The following SLC19A1 variants were observed in gnomAD, a reference collection of about 807,000 sequenced individuals.
SLC19A1 encodes reduced folate transporter.
SLC19A1 carries 37 observed loss-of-function variants against 35.3 expected under a neutral mutation model. The ratio of observed to expected loss-of-function variants is 1.05; its 90% CI spans 0.81 to 1.38. The LOEUF is 1.38. Among genes scored for constraint, SLC19A1 ranks in the 40% most tolerant of loss-of-function variants. The probability of loss-of-function intolerance (pLI) is 0.00; values close to 1 mark genes in which losing one functional copy is unlikely to be tolerated. For synonymous variants in SLC19A1, 460 were observed against 398.5 expected, an observed-to-expected ratio of 1.15 and a Z score of -1.84; for missense variants, 831 against 826.9, an observed-to-expected ratio of 1.00 and a Z score of -0.06.
intron 3 of SLC19A1, among the ~76,000 whole-genome samples, chr21:45,505,637 G>A (rs1008561185): frequency 2.6e-5 from 4 of 152,168 alleles, no homozygotes; most frequent in African/African-American, 9.7e-5. Flanking sequence ...AGTGCCCAGG[G>A]CCTGTACATT....
downstream of SLC19A1, chr21:45,512,375 A>C: frequency 1.9e-6 from 3 of 1,612,714 alleles, no homozygotes; most frequent in Non-Finnish European, 2.5e-6. Flanking sequence ...CATTGAGAAC[A>C]GCTTCATGAC....
At chr21:45,506,624 A>T (rs1435167665) in intron 3 of SLC19A1, 1 of 173,002 alleles carries the variant, frequency 5.8e-6, no homozygotes, top group African/African-American at 2.4e-5. Flanking sequence ...GACGGGTAGA[A>T]GCCCCATGCC....
rs397786692 is a variant in SLC19A1 at position 45,538,096 on chromosome 21, C to CCTT, written c.-49-89_-49-88insAAG. ...AAACGAGGCCCAGTGCCGGCCTCCT[C>CCTT]GCCACTCAGGACCAAACGCCACCCT... On this transcript the variant is annotated intron_variant, in intron 1 of 5. Coordinates refer to ENST00000311124, the MANE Select transcript of SLC19A1 (RefSeq NM_194255.4). 365 of 746,854 alleles carry CCTT rather than the reference C, an allele frequency of 4.9e-4. No individual in the cohort carries two copies. In the African/African-American group the frequency reaches 5.1e-3, roughly 10 times the overall value. 46.3% of individuals were successfully genotyped at this position (746,854 alleles called of 1,614,324 possible).
At chr21:45,504,591 C>G in intron 3 of SLC19A1, 1 of 1,550,196 alleles carries the variant, frequency 6.5e-7, no homozygotes, top group Non-Finnish European at 8.7e-7. Flanking sequence ...AGCCCATGTC[C>G]CAGGGGTCTG....
intron 1 of SLC19A1, among the ~76,000 whole-genome samples, chr21:45,554,467 C>CCT (rs1555888572): frequency 1.4e-3 from 3 of 2,164 alleles, no homozygotes; most frequent in Admixed American, 4.4e-3. Context: ...CCCCATGCCC[C>CCT]CCCAATCCCC....
Position 45,505,998 on chromosome 21 carries a change from G to A in SLC19A1, c.498-7386C>T, listed in dbSNP as rs746693548. ...GCTCTGTGTGACGGGTTCTGGACCC[G>A]TGGAAGGGCCGAAGCCGCCTCCTGG... On this transcript the variant is annotated intron_variant, in intron 3 of 4. Coordinates refer to the SLC19A1 transcript ENST00000417954. The A allele has an allele frequency of 2.1e-5, 34 of 1,612,528 alleles. No individual in the cohort carries two copies. The East Asian group carries it at 3.6e-4, about 17-fold the overall frequency.
Position 45,525,822 on chromosome 21 carries a change from T to C in SLC19A1, c.1288A>G (p.Lys430Glu). ...CAGGCCTGAAATGGGCTCACCTGCT[T>C]GCGGACCGGGAGGCCCAGGCCCCGC... is the stretch of plus-strand genomic sequence containing the variant. ...DVRGLGLPVR[K>E]QFQLYSVYFL... Residue 430 changes from lysine to glutamate, a missense_variant, in exon 5 of 6, where the codon AAG becomes GAG. Transcript: ENST00000311124. The C allele has an allele frequency of 6.2e-7, 1 of 1,613,196 alleles. No individual in the cohort carries two copies. Among genetic ancestry groups the C allele is most frequent in the Non-Finnish European group, 8.5e-7 (1 of 1,179,922 alleles).
intron 1 of SLC19A1, among the ~76,000 whole-genome samples, chr21:45,559,274 C>T (rs908964435): frequency 3.9e-5 from 6 of 152,284 alleles, no homozygotes; most frequent in African/African-American, 1.2e-4. Context: ...GTGGAAACAT[C>T]GCAACGTTGA....
In SLC19A1 at chr21:45,517,046, G is replaced by T. The variant is rs942156429; in HGVS notation, c.1294-906C>A. The stretch of plus-strand genomic sequence containing the variant: ...GAGGACAGACTGACCAGGCCCTCGG[G>T]GTCTGGGGAGCTGTGCCACACAAGG... On this transcript the variant is annotated intron_variant, in intron 5 of 5. Transcript: ENST00000311124. This position sits in a 1 kb window ranked among gnomAD's most constrained non-coding sequence, Gnocchi z 4.4. Among the ~76,000 whole-genome samples, 1 of 152,068 alleles carries T rather than the reference G, an allele frequency of 6.6e-6. No individual in the cohort carries two copies. The highest frequency in any genetic ancestry group is 1.5e-5 in the Non-Finnish European group (1 of 68,000).
chr21:45,525,057 G>A lies in SLC19A1; in HGVS notation c.1293+760C>T, dbSNP rs186106069. On this transcript the variant is annotated intron_variant, in intron 5 of 5. Coordinates refer to ENST00000311124, the MANE Select transcript of SLC19A1 (RefSeq NM_194255.4). ...CTCACCTAACAGGCATTTGTGAGCCGAAGGGGATGCCTGCTATTGCCCGGG... is the reference window on the plus strand; with the variant it reads ...CTCACCTAACAGGCATTTGTGAGCCAAAGGGGATGCCTGCTATTGCCCGGG... Among the ~76,000 whole-genome samples the A allele has an allele frequency of 8.3e-3, 1,258 of 152,322 alleles. 6 individuals carry two copies. Among genetic ancestry groups the A allele is most frequent in the South Asian group, 0.015 (73 of 4,826 alleles).
intron 3 of SLC19A1, chr21:45,505,245 G>A (rs959682726): frequency 6.2e-7 from 1 of 1,604,228 alleles, no homozygotes; most frequent in African/African-American, 1.3e-5. Flanking sequence ...AGGCCCCCCA[G>A]GGCCCCCTTC....
chr21:45,543,942 C>T (rs137939927), upstream of SLC19A1: 1,327 of 152,554 alleles, frequency 8.7e-3, 24 homozygotes, highest in Non-Finnish European at 9.7e-3. Flanking sequence ...GGGGCCAGCT[C>T]GCCAGGGCAG....
intron 1 of SLC19A1, among the ~76,000 whole-genome samples, chr21:45,554,504 C>A: frequency 1.5e-5 from 1 of 68,668 alleles, no homozygotes; most frequent in Non-Finnish European, 2.9e-5. Flanking sequence ...TCCCCTGCGC[C>A]CCCATCCCAC....
rs769138452 is a variant in SLC19A1, at chr21:45,505,944, A to G, written c.498-7332T>C. 4.3e-6 allele frequency: 7 copies of G among 1,613,152 alleles called. No homozygotes were observed. The highest frequency in any genetic ancestry group is 5.9e-6 in the Non-Finnish European group (7 of 1,179,976). On this transcript the variant is annotated intron_variant, in intron 3 of 4. Coordinates refer to the SLC19A1 transcript ENST00000417954. ...CAGGAGGAGCTCTACGTCCGCGTGC[A>G]GAACGGGTTCCGGAAGGTCCAGGTG...
rs143340012 is a variant in SLC19A1 at position 45,530,814 on chromosome 21, G to A, written c.1107C>T (p.Phe369=). ...PSSIWLCYAA[F]VLFRGSYQFL... ...ACTGGTAGGAGCCGCGGAACAGCAC[G>A]AAGGCCGCATAGCACAGCCAGATGC... Residue 369 remains phenylalanine (F), a synonymous_variant, in exon 4 of 6, where the codon TTC becomes TTT. Transcript: ENST00000311124. The surrounding 1 kb of genome is among the most constrained non-coding windows in gnomAD (Gnocchi z 5.3). The A allele has an allele frequency of 2.2e-5, 35 of 1,564,520 alleles. No individual in the cohort carries two copies. The African/African-American group carries it at 3.7e-4, about 16-fold the overall frequency.
At chr21:45,535,478 C>T (rs576637143) in intron 2 of SLC19A1, among the ~76,000 whole-genome samples, 1 of 152,314 alleles carries the variant, frequency 6.6e-6, no homozygotes, top group South Asian at 2.1e-4. Flanking sequence ...CACTGGCCCA[C>T]GGCGGGAGAA....
intron 3 of SLC19A1, chr21:45,502,760 C>G (rs1295690034): frequency 6.6e-6 from 1 of 152,198 alleles, no homozygotes; most frequent in Non-Finnish European, 1.5e-5. Flanking sequence ...AAGTCAGGGC[C>G]AAGACACAGC....
At chr21:45,552,658 G>A (rs2078478165) in intron 1 of SLC19A1, among the ~76,000 whole-genome samples, 1 of 143,244 alleles carries the variant, frequency 7.0e-6, no homozygotes, top group South Asian at 2.3e-4. Flanking sequence ...CCCCAGCAGA[G>A]AGGGGCTGGT....
intron 2 of SLC19A1, among the ~76,000 whole-genome samples, chr21:45,537,564 A>G (rs59518647): frequency 4.4e-3 from 450 of 101,124 alleles, no homozygotes; most frequent in South Asian, 5.9e-3. Flanking sequence ...GCACCCCGGC[A>G]CCCACGTGCC....
Sources: allele counts gnomAD v4.1 joint callset (sites outside exome capture counted in the v4.1 genomes callset), GRCh38; gene constraint gnomAD v4.1.1; non-coding constraint Gnocchi (gnomAD v3.1); transcripts MANE v1.5; gene names NCBI Gene and HGNC (gene_info 2026-07-23, HGNC 2026-07-21).